SLC45A2: variants seen among roughly 807,000 people sequenced by gnomAD.
SLC45A2 encodes membrane-associated transporter protein.
Under a neutral mutation model 45.5 loss-of-function variants are expected in SLC45A2, and 36 were observed. That is an observed-to-expected ratio of 0.79 (90% CI 0.61 to 1.04). The LOEUF (loss-of-function observed/expected upper bound fraction) is 1.04, where lower values mean the gene tolerates loss of function less well. Ranked by LOEUF, SLC45A2 falls within the 50% of genes least tolerant of loss-of-function variation. The probability of loss-of-function intolerance (pLI) is 0.00; values close to 1 mark genes in which losing one functional copy is unlikely to be tolerated. For synonymous variants in SLC45A2, 306 were observed against 269.3 expected (o/e 1.14, Z -1.33); for missense variants, 719 against 671.0 (o/e 1.07, Z -0.79).
chr5:33,950,639 C>T (rs1314500001), intron 5 of SLC45A2, among the ~76,000 whole-genome samples: 4 of 152,204 alleles, frequency 2.6e-5, no homozygotes, highest in Non-Finnish European at 5.9e-5. Flanking sequence ...CTGACAGTGA[C>T]AGAGTGAGTC....
intron 3 of SLC45A2, among the ~76,000 whole-genome samples, chr5:33,958,232 T>A (rs1235607153): frequency 6.6e-6 from 1 of 152,286 alleles, no homozygotes; most frequent in South Asian, 2.1e-4. Flanking sequence ...TTTTATGAGA[T>A]CTGGTTTAAA....
chr5:33,979,175 T>G (rs1753006959), intron 2 of SLC45A2, among the ~76,000 whole-genome samples: 1 of 152,038 alleles, frequency 6.6e-6, no homozygotes, highest in Non-Finnish European at 1.5e-5. Flanking sequence ...TTTATACATT[T>G]TAGGGAGACA....
chr5:33,960,896 A>G (rs1752435900), intron 3 of SLC45A2, among the ~76,000 whole-genome samples: 1 of 152,222 alleles, frequency 6.6e-6, no homozygotes. Flanking sequence ...TGATGTTAAC[A>G]TAAGAGAAAA....
intron 2 of SLC45A2, among the ~76,000 whole-genome samples, chr5:33,975,921 CTT>C (rs1387246079): frequency 2.6e-5 from 4 of 152,124 alleles, no homozygotes; most frequent in Non-Finnish European, 5.9e-5. Flanking sequence ...CTCCCCTCCT[CTT>C]GTCTTGAAAC....
intron 3 of SLC45A2, among the ~76,000 whole-genome samples, chr5:33,957,351 T>C (rs762470624): frequency 6.6e-6 from 1 of 152,170 alleles, no homozygotes; most frequent in African/African-American, 2.4e-5. Flanking sequence ...CAGCATATTT[T>C]TTATACTTCT....
chr5:33,976,780 T>A (rs1435554773), intron 2 of SLC45A2, among the ~76,000 whole-genome samples: 2 of 152,090 alleles, frequency 1.3e-5, no homozygotes, highest in Non-Finnish European at 2.9e-5. Context: ...TATTTGAAAA[T>A]TCTAGAATAT....
intron 2 of SLC45A2, among the ~76,000 whole-genome samples, chr5:33,978,722 T>A (rs1373819040): frequency 6.6e-6 from 1 of 152,212 alleles, no homozygotes; most frequent in African/African-American, 2.4e-5. Flanking sequence ...TTGATTTATA[T>A]CTTTGCCTGT....
chr5:33,963,617 C>T, intron 3 of SLC45A2, 74 bp downstream of exon 3: 1 of 1,446,820 alleles, frequency 6.9e-7, no homozygotes, highest in South Asian at 1.1e-5. Context: ...ACAAAACAAA[C>T]AATTAAAAAA....
At position 33,947,198 on chromosome 5, in the gene SLC45A2, G is replaced by A; in HGVS notation, c.1333C>T (p.Leu445Phe). 6.2e-7 allele frequency: 1 copy of A among 1,614,210 alleles called. No individual in the cohort carries two copies. Among genetic ancestry groups the A allele is most frequent in the Non-Finnish European group, 8.5e-7 (1 of 1,180,054 alleles). Reference protein sequence around the residue: ...SSTLYTVPFNLITEYHREEEK... With the variant: ...SSTLYTVPFNFITEYHREEEK... ...TCCTCGCGGTGGTACTCAGTAATGA[G>A]GTTAAAGGGCACAGTGTACAGGGTG... The change falls in exon 6 of 7, where the codon CTC (leucine) becomes TTC (phenylalanine). Residue 445 changes from leucine (L) to phenylalanine (F), a missense_variant. Leu to Phe is a conservative substitution (Grantham distance 22). Transcript: ENST00000296589.
Position 33,951,536 on chromosome 5 carries a change from GGAGA to G in SLC45A2, c.1156+14_1156+17del, listed in dbSNP as rs1752095637. ...CAGAAACTTTTAGAAGACATCCTTA[GGAGA>G]GAGAAAGACTTACAAGAATAAAGTG... On this transcript the variant is annotated intron_variant, in intron 5 of 6. Transcript: ENST00000296589. 6.2e-7 allele frequency: 1 copy of G among 1,613,792 alleles called. No homozygotes were observed. Among genetic ancestry groups the G allele is most frequent in the South Asian group, 1.1e-5 (1 of 91,082 alleles).
chr5:33,982,002 C>G (rs766820223), intron 2 of SLC45A2, among the ~76,000 whole-genome samples: 1 of 152,224 alleles, frequency 6.6e-6, no homozygotes, highest in Admixed American at 6.5e-5. Flanking sequence ...ATTGTCTCCA[C>G]AAAGCATTCT....
At position 33,944,876 on chromosome 5, in the gene SLC45A2, C is replaced by T. The variant is rs1484402263; in HGVS notation, c.1369-4G>A. 6.2e-7 allele frequency: 1 copy of T among 1,608,594 alleles called. No individual in the cohort carries two copies. Among genetic ancestry groups the T allele is most frequent in the Non-Finnish European group, 8.5e-7 (1 of 1,177,426 alleles). ...CCCCTCCTGGGGCCTGCTGCCTCTGCAAAGGAAGCACAGAACCACCATTTG... is the reference window on the plus strand; with the variant it reads ...CCCCTCCTGGGGCCTGCTGCCTCTGTAAAGGAAGCACAGAACCACCATTTG... On this transcript the variant is annotated splice_region_variant and splice_polypyrimidine_tract_variant and intron_variant, in intron 6 of 6. Transcript: ENST00000296589.
At chr5:33,946,781 A>T (rs1004617628) in intron 6 of SLC45A2, 3 of 1,152,092 alleles carry the variant, frequency 2.6e-6, no homozygotes, top group Non-Finnish European at 3.2e-6. Flanking sequence ...CGGTATCTAG[A>T]AATGCTGCAG....
intron 5 of SLC45A2, among the ~76,000 whole-genome samples, chr5:33,950,834 T>G (rs1260363205): frequency 2.0e-5 from 3 of 152,214 alleles, no homozygotes; most frequent in Admixed American, 2.0e-4. Flanking sequence ...ACTGCATACA[T>G]TTTTCAGGCC....
intron 3 of SLC45A2, among the ~76,000 whole-genome samples, chr5:33,961,330 T>C (rs1055013011): frequency 1.3e-5 from 2 of 152,152 alleles, no homozygotes; most frequent in African/African-American, 4.8e-5. Flanking sequence ...CTAATAAAAT[T>C]TTAGTTCCTA....
Position 33,974,978 on chromosome 5 carries a change from G to A in SLC45A2, c.562+7258C>T, listed in dbSNP as rs78596925. On this transcript the variant is annotated intron_variant, in intron 2 of 6. Transcript: ENST00000296589. ...CTGAGAGATATTTACGAATAATGTC[G>A]ATTGTCATTGTCACTGAGTTGGGGA... Among the ~76,000 whole-genome samples the A allele has an allele frequency of 6.2e-3, 935 of 150,126 alleles. 8 individuals carry two copies. Among genetic ancestry groups the A allele is most frequent in the African/African-American group, 0.022 (878 of 39,532 alleles).
intron 2 of SLC45A2, among the ~76,000 whole-genome samples, chr5:33,978,972 T>C (rs1019576000): frequency 1.3e-5 from 2 of 152,202 alleles, no homozygotes; most frequent in African/African-American, 4.8e-5. Context: ...CCATACCATA[T>C]ACTAATATCA....
At chr5:33,955,028 A>G (rs928244955) in intron 3 of SLC45A2, among the ~76,000 whole-genome samples, 8 of 152,206 alleles carry the variant, frequency 5.3e-5, no homozygotes, top group African/African-American at 9.7e-5. Flanking sequence ...CTTTGAGTTA[A>G]TTGAAAGGGA....
At chr5:33,962,214 G>A (rs139215509) in intron 3 of SLC45A2, among the ~76,000 whole-genome samples, 18 of 152,282 alleles carry the variant, frequency 1.2e-4, no homozygotes, top group East Asian at 1.2e-3. Context: ...CATATGCCAC[G>A]TGTTAGGCTG....
Sources: gnomAD v4.1 joint callset for allele counts (sites outside exome capture counted in the v4.1 genomes callset) on GRCh38, gnomAD v4.1.1 for gene constraint, MANE v1.5 for transcripts, NCBI Gene and HGNC (gene_info 2026-07-23, HGNC 2026-07-21) for gene names.